CACNA1C: variants seen among roughly 807,000 people sequenced by gnomAD.
CACNA1C encodes the protein calcium voltage-gated channel subunit alpha1 C.
In CACNA1C, 30 loss-of-function variants were observed where a neutral mutation model predicts 229.0. That is an observed-to-expected ratio of 0.13 (90% CI 0.10 to 0.18). The LOEUF is 0.18. Ranked by LOEUF, CACNA1C falls within the 10% of genes least tolerant of loss-of-function variation. CACNA1C has a pLI of 1.00. For missense variants in CACNA1C, 1,658 were observed against 2,845.0 expected, an observed-to-expected ratio of 0.58 and a Z score of 9.49; for synonymous variants, 1,114 against 1,132.5, an observed-to-expected ratio of 0.98 and a Z score of 0.33.
chr12:2,514,760 C>T (rs960759400), intron 9 of CACNA1C, among the ~76,000 whole-genome samples: 1 of 152,104 alleles, frequency 6.6e-6, no homozygotes, highest in Non-Finnish European at 1.5e-5. Context: ...GGTTATCCAC[C>T]GAGATAACAG....
At chr12:2,322,486 C>T (rs1466281605) in intron 3 of CACNA1C, among the ~76,000 whole-genome samples, 1 of 152,182 alleles carries the variant, frequency 6.6e-6, no homozygotes, top group Non-Finnish European at 1.5e-5. Flanking sequence ...TCATGAATCA[C>T]TTCCATCTGC....
intron 9 of CACNA1C, among the ~76,000 whole-genome samples, chr12:2,518,336 T>G (rs2099802002): frequency 6.6e-6 from 1 of 151,860 alleles, no homozygotes; most frequent in South Asian, 2.1e-4. Flanking sequence ...GGGCCGGGCG[T>G]GGTGGCTCAC....
chr12:2,014,940 C>T (rs536852030), intron 1 of CACNA1C, among the ~76,000 whole-genome samples: 26 of 152,314 alleles, frequency 1.7e-4, no homozygotes, highest in East Asian at 1.2e-3. Flanking sequence ...TTCCTGCTCA[C>T]GGACTGGCAG....
Position 2,062,641 on chromosome 12 carries a change from T to C in CACNA1C, c.49+9030T>C, listed in dbSNP as rs183010163. ...CGCCTCCCCTCCTGGTCCCGTCCTC[T>C]GGCTTTCTTTCCCCTTATTCCCAGG... is the stretch of plus-strand genomic sequence containing the variant. On this transcript the variant is annotated intron_variant, in intron 1 of 46. Coordinates refer to ENST00000399655, the MANE Select transcript of CACNA1C (RefSeq NM_000719.7). Among the ~76,000 whole-genome samples the C allele has an allele frequency of 2.5e-4, 38 of 152,350 alleles. 1 individual carries two copies. Among genetic ancestry groups the C allele is most frequent in the African/African-American group, 8.2e-4 (34 of 41,582 alleles).
chr12:2,659,251 T>C (rs1202229604), intron 34 of CACNA1C, among the ~76,000 whole-genome samples: 1 of 152,222 alleles, frequency 6.6e-6, no homozygotes. Flanking sequence ...TTTTTACTGT[T>C]CCTTTTTTAC....
chr12:2,246,945 G>A (rs575396619), intron 3 of CACNA1C, among the ~76,000 whole-genome samples: 4 of 152,216 alleles, frequency 2.6e-5, no homozygotes, highest in Non-Finnish European at 4.4e-5. Flanking sequence ...CTTCCAGGCC[G>A]TTCTTCCCCC....
rs78563698 is a variant in CACNA1C, at chr12:1,996,616, TAAAAAAAAAAAAAAAAAAA to T, written c.139+25436_139+25454del. ...AATACACTAATAATAGCTGATGAGC[TAAAAAAAAAAAAAAAAAAA>T]AAAAAAAAAAAAAAAAAAAACAACA... On this transcript the variant is annotated intron_variant, in intron 1 of 46. Coordinates refer to the CACNA1C transcript ENST00000682462. Among the ~76,000 whole-genome samples, 16 of 18,844 alleles carry T rather than the reference TAAAAAAAAAAAAAAAAAAA, an allele frequency of 8.5e-4. 1 individual carries two copies. The highest frequency in any genetic ancestry group is 6.5e-3 in the Admixed American group (8 of 1,228). The allele number at this position is 18,844 out of a possible 152,430, so 12.4% of individuals were successfully genotyped here. A position where few individuals can be genotyped will look rare whatever the true frequency, so the allele number is the denominator to read the frequency against.
chr12:2,248,375 G>A (rs1462806687), intron 3 of CACNA1C, among the ~76,000 whole-genome samples: 2 of 152,192 alleles, frequency 1.3e-5, no homozygotes, highest in South Asian at 2.1e-4. Context: ...TCTCTGCACC[G>A]GGCCAAGGAC....
intron 18 of CACNA1C, among the ~76,000 whole-genome samples, chr12:2,588,679 G>T (rs536187061): frequency 6.6e-6 from 1 of 152,108 alleles, no homozygotes; most frequent in Non-Finnish European, 1.5e-5. Context: ...TGAAAAGCTC[G>T]CCAGCTGCTT....
At chr12:2,550,115 C>A in intron 10 of CACNA1C, 82 bp downstream of exon 10, 1 of 982,446 alleles carries the variant, frequency 1.0e-6, no homozygotes, top group Non-Finnish European at 1.6e-6. Flanking sequence ...TCACAGTGGG[C>A]TGGCTCATCA....
chr12:2,522,990 C>T (rs1048843339), intron 9 of CACNA1C, among the ~76,000 whole-genome samples: 2 of 152,168 alleles, frequency 1.3e-5, no homozygotes, highest in East Asian at 1.9e-4. Context: ...TCACGAATGC[C>T]CTTCTCTTCC....
chr12:2,177,575 CCCTCCCTCCCTCCCTT>C (rs2096687544), intron 3 of CACNA1C, among the ~76,000 whole-genome samples: 1 of 54,984 alleles, frequency 1.8e-5, no homozygotes, highest in African/African-American at 9.3e-5. Flanking sequence ...CTCCCTCCCT[CCCTCCCTCCCTCCCTT>C]CCTTCCTTCC....
At chr12:2,468,622 T>G (rs1197886384) in intron 5 of CACNA1C, among the ~76,000 whole-genome samples, 1 of 152,260 alleles carries the variant, frequency 6.6e-6, no homozygotes, top group Non-Finnish European at 1.5e-5. Flanking sequence ...GCGCCCTGCC[T>G]GGCTCTAGAG....
At chr12:2,513,639 G>A (rs533550988) in intron 9 of CACNA1C, among the ~76,000 whole-genome samples, 2 of 152,284 alleles carry the variant, frequency 1.3e-5, no homozygotes, top group South Asian at 4.1e-4. Flanking sequence ...TGAAAGTGAT[G>A]GATGACATTG....
intron 3 of CACNA1C, among the ~76,000 whole-genome samples, chr12:2,184,941 G>T (rs1366416363): frequency 6.6e-6 from 1 of 152,200 alleles, no homozygotes; most frequent in African/African-American, 2.4e-5. Context: ...GTATTGAACT[G>T]GGGTTAAAGT....
At chr12:2,129,534 T>C (rs1165021566) in intron 3 of CACNA1C, among the ~76,000 whole-genome samples, 1 of 152,216 alleles carries the variant, frequency 6.6e-6, no homozygotes, top group Non-Finnish European at 1.5e-5. Context: ...GTTTATGTAA[T>C]AGAACCCCTT....
intron 3 of CACNA1C, among the ~76,000 whole-genome samples, chr12:2,191,784 A>G (rs1415220123): frequency 6.8e-6 from 1 of 147,932 alleles, no homozygotes; most frequent in Non-Finnish European, 1.5e-5. Context: ...AGGCACATAC[A>G]TGCACATGAT....
intron 3 of CACNA1C, among the ~76,000 whole-genome samples, chr12:2,316,589 C>G (rs1186926475): frequency 1.3e-5 from 2 of 152,196 alleles, no homozygotes; most frequent in Non-Finnish European, 2.9e-5. Flanking sequence ...CCGTGCCAGG[C>G]TTGGTCTCAT....
intron 38 of CACNA1C, among the ~76,000 whole-genome samples, chr12:2,673,229 A>G (rs2096640053): frequency 6.6e-6 from 1 of 152,002 alleles, no homozygotes; most frequent in African/African-American, 2.4e-5. Context: ...TAATCCCAGC[A>G]CTTTGGGAGG....
Sources: allele counts gnomAD v4.1 joint callset (sites outside exome capture counted in the v4.1 genomes callset), GRCh38; gene constraint gnomAD v4.1.1; transcripts MANE v1.5; gene names NCBI Gene and HGNC (gene_info 2026-07-23, HGNC 2026-07-21).